Variants in ZFYVE1 observed in about 807,000 individuals in gnomAD.
ZFYVE1 encodes zinc finger FYVE domain-containing protein 1.
A neutral mutation model predicts 74.4 loss-of-function variants in ZFYVE1; 30 were observed. That is an observed-to-expected ratio of 0.40 (90% CI 0.30 to 0.55). The LOEUF (loss-of-function observed/expected upper bound fraction) is 0.55, where lower values mean the gene tolerates loss of function less well. Among genes scored for constraint, ZFYVE1 ranks in the 20% least tolerant of loss-of-function variants. The probability of loss-of-function intolerance (pLI) is 0.42; values close to 1 mark genes in which losing one functional copy is unlikely to be tolerated. For synonymous variants in ZFYVE1, 335 were observed against 385.1 expected (o/e 0.87, Z 1.52); for missense variants, 703 against 1,011.6 (o/e 0.69, Z 4.14).
At chr14:73,015,397 G>A (rs1429611462) in intron 2 of ZFYVE1, among the ~76,000 whole-genome samples, 1 of 7,874 alleles carries the variant, frequency 1.3e-4, no homozygotes, top group African/African-American at 4.5e-4. Context: ...AGGAAGAGGG[G>A]AAGGAAGGGG....
chr14:73,024,736 T>A lies in ZFYVE1; in HGVS notation c.-228A>T. Reference sequence around the variant, plus strand: ...TATTAGCAGCAACGTTGATTTGGTTTGATGGTTTCATCCTCCATAAAGTGC... The same window carrying A: ...TATTAGCAGCAACGTTGATTTGGTTAGATGGTTTCATCCTCCATAAAGTGC... On this transcript the variant is annotated 5_prime_UTR_variant, in exon 2 of 12. It introduces an in-frame stop codon into an upstream open reading frame of the 5' UTR. Transcript: ENST00000556143. 2 of 571,820 alleles carry A rather than the reference T, an allele frequency of 3.5e-6. No individual in the cohort carries two copies. Among genetic ancestry groups the A allele is most frequent in the Non-Finnish European group, 2.9e-6 (1 of 350,466 alleles). The allele number at this position is 571,820 out of a possible 1,614,324, so 35.4% of individuals were successfully genotyped here. A position where few individuals can be genotyped will look rare whatever the true frequency, so the allele number is the denominator to read the frequency against.
Position 72,969,735 on chromosome 14 carries a change from A to G in ZFYVE1, c.*1147T>C, listed in dbSNP as rs1409786606. On this transcript the variant is annotated 3_prime_UTR_variant, in exon 12 of 12. Transcript: ENST00000556143. ...TCAGCACAACGGGCCCTTTCCAGTC[A>G]TGACAGACAGAGATGTCCAGGCTCT... The G allele has an allele frequency of 4.3e-6, 3 of 702,150 alleles. No homozygotes were observed. Among genetic ancestry groups the G allele is most frequent in the Admixed American group, 2.0e-5 (1 of 49,968 alleles). The allele number at this position is 702,150 out of a possible 1,614,324, so 43.5% of individuals were successfully genotyped here.
Position 73,018,749 on chromosome 14 carries a change from G to A in ZFYVE1, c.483+5277C>T, listed in dbSNP as rs61986549. On this transcript the variant is annotated intron_variant, in intron 2 of 11. Transcript: ENST00000556143. Reference sequence around the variant, plus strand: ...ATGAGGTCACGAGTTCAAGACCAGCGTGACCAACATGGGGAAACCCCATCT... The same window carrying A: ...ATGAGGTCACGAGTTCAAGACCAGCATGACCAACATGGGGAAACCCCATCT... Among the ~76,000 whole-genome samples the A allele has an allele frequency of 3.3e-5, 5 of 151,932 alleles. No individual in the cohort carries two copies. The East Asian group carries it at 5.8e-4, about 18-fold the overall frequency.
intron 2 of ZFYVE1, among the ~76,000 whole-genome samples, chr14:73,004,057 T>C (rs1361666010): frequency 2.0e-5 from 3 of 152,178 alleles, no homozygotes; most frequent in African/African-American, 7.2e-5. Flanking sequence ...ATAAACTTGG[T>C]GATGGGCTAA....
chr14:72,977,984 T>C lies in ZFYVE1; in HGVS notation c.1578A>G (p.Gly526=). The C allele has an allele frequency of 6.2e-7, 1 of 1,614,198 alleles. No individual in the cohort carries two copies. The highest frequency in any genetic ancestry group is 8.5e-7 in the Non-Finnish European group (1 of 1,180,028). ...CCACCGTATCCACAGGATCTTGGTT[T>C]CCAAACCAGTACTGCCGACTACGAT... ...VVYRSRQYWF[G]NQDPVDTVVR... Residue 526 remains glycine, a synonymous_variant, in exon 8 of 12, where the codon GGA becomes GGG. Transcript: ENST00000556143.
intron 2 of ZFYVE1, among the ~76,000 whole-genome samples, chr14:73,003,057 T>TC (rs1555533773): frequency 7.2e-6 from 1 of 138,358 alleles, no homozygotes; most frequent in African/African-American, 2.8e-5. Flanking sequence ...TTCTTTTCTT[T>TC]TTTTTTTTTT....
intron 8 of ZFYVE1, among the ~76,000 whole-genome samples, chr14:72,976,250 G>C (rs1343530358): frequency 6.6e-6 from 1 of 152,206 alleles, no homozygotes; most frequent in Non-Finnish European, 1.5e-5. Context: ...AGCAGGGAAG[G>C]CATCTGTATC....
chr14:72,971,156 C>T (rs780152213), intron 11 of ZFYVE1, 42 bp from the exon 12 acceptor site: 9 of 1,603,804 alleles, frequency 5.6e-6, no homozygotes, highest in Non-Finnish European at 6.8e-6. Flanking sequence ...AAGCCCAATA[C>T]CCCGAGGCCC....
chr14:73,018,430 C>CAAAAA (rs397853346), intron 2 of ZFYVE1, among the ~76,000 whole-genome samples: 6 of 55,972 alleles, frequency 1.1e-4, no homozygotes, highest in East Asian at 7.1e-4. Context: ...GACTCCATCT[C>CAAAAA]AAAAAAAAAA....
At chr14:72,983,362 C>T (rs531409463) in intron 4 of ZFYVE1, among the ~76,000 whole-genome samples, 1 of 131,272 alleles carries the variant, frequency 7.6e-6, no homozygotes, top group Non-Finnish European at 1.6e-5. Flanking sequence ...CCCCACCCCA[C>T]CACAGGCCTC....
chr14:72,975,795 G>A lies in ZFYVE1; in HGVS notation c.1636-74C>T. 6.4e-7 allele frequency: 1 copy of A among 1,564,768 alleles called. No homozygotes were observed. Among genetic ancestry groups the A allele is most frequent in the South Asian group, 1.2e-5 (1 of 82,334 alleles). ...GGAAGGAGGAAGAGGGATGTTTGGT[G>A]AGTTGCACACTCACCGTGGCCAACT... On this transcript the variant is annotated intron_variant, in intron 8 of 11. Coordinates refer to ENST00000556143, the MANE Select transcript of ZFYVE1 (RefSeq NM_021260.4). This position sits in a 1 kb window ranked among gnomAD's most constrained non-coding sequence, Gnocchi z 4.1.
At chr14:72,982,847 CT>C (rs202123032) in intron 4 of ZFYVE1, among the ~76,000 whole-genome samples, 165 of 146,422 alleles carry the variant, frequency 1.1e-3, no homozygotes, top group Admixed American at 1.0e-3. Flanking sequence ...ACAATTAGAA[CT>C]TTTTTTTTTT....
chr14:72,982,408 G>T (rs1354871559), intron 4 of ZFYVE1, among the ~76,000 whole-genome samples: 3 of 150,198 alleles, frequency 2.0e-5, no homozygotes, highest in South Asian at 2.1e-4. Context: ...AAAAGAAGAA[G>T]AATTATTATA....
intron 2 of ZFYVE1, among the ~76,000 whole-genome samples, chr14:73,011,056 T>C (rs1345624723): frequency 6.6e-6 from 1 of 151,798 alleles, no homozygotes; most frequent in Non-Finnish European, 1.5e-5. Context: ...TTAAATGAAT[T>C]AGAATACTAT....
At chr14:73,014,120 A>T (rs1894144756) in intron 2 of ZFYVE1, among the ~76,000 whole-genome samples, 2 of 152,130 alleles carry the variant, frequency 1.3e-5, no homozygotes, top group South Asian at 4.1e-4. Flanking sequence ...AGAATCATGC[A>T]AACTGAAGGT....
At chr14:73,014,581 G>A (rs1270123027) in intron 2 of ZFYVE1, among the ~76,000 whole-genome samples, 1 of 152,176 alleles carries the variant, frequency 6.6e-6, no homozygotes, top group African/African-American at 2.4e-5. Flanking sequence ...ACCAATAATA[G>A]ATATATTCAT....
chr14:72,985,231 C>T (rs1034309864), intron 4 of ZFYVE1, among the ~76,000 whole-genome samples: 3 of 152,246 alleles, frequency 2.0e-5, no homozygotes, highest in African/African-American at 7.2e-5. Flanking sequence ...TCACAGCTCA[C>T]TGCAGCATCA....
chr14:72,988,792 G>A (rs1438420711), intron 4 of ZFYVE1, among the ~76,000 whole-genome samples: 1 of 132,284 alleles, frequency 7.6e-6, no homozygotes, highest in Non-Finnish European at 1.6e-5. Context: ...GAGTGACAGA[G>A]CAAGACTCTG....
chr14:72,997,409 G>A (rs1251222450), intron 3 of ZFYVE1, among the ~76,000 whole-genome samples: 2 of 151,814 alleles, frequency 1.3e-5, no homozygotes, highest in Non-Finnish European at 2.9e-5. Flanking sequence ...TGTTGCCCAG[G>A]CTGATCTCTA....
Sources: allele counts gnomAD v4.1 joint callset (sites outside exome capture counted in the v4.1 genomes callset), GRCh38; gene constraint gnomAD v4.1.1; non-coding constraint Gnocchi (gnomAD v3.1); transcripts MANE v1.5; gene names NCBI Gene and HGNC (gene_info 2026-07-23, HGNC 2026-07-21).